SDK2: variants seen among roughly 807,000 people sequenced by gnomAD.
SDK2 encodes the protein protein sidekick-2.
In SDK2, 105 loss-of-function variants were observed where a neutral mutation model predicts 253.9. The ratio of observed to expected loss-of-function variants is 0.41; its 90% CI spans 0.35 to 0.49. The LOEUF (loss-of-function observed/expected upper bound fraction) is 0.49, where lower values mean the gene tolerates loss of function less well. Among genes scored for constraint, SDK2 ranks in the 20% least tolerant of loss-of-function variants. The probability of loss-of-function intolerance (pLI) is 0.06; values close to 1 mark genes in which losing one functional copy is unlikely to be tolerated. For missense variants in SDK2, 2,608 were observed against 3,003.0 expected (o/e 0.87, Z 3.07); for synonymous variants, 1,249 against 1,234.9 (o/e 1.01, Z -0.24).
In SDK2 at chr17:73,467,752, TC is replaced by T. The variant is rs1360874479; in HGVS notation, c.331+4359del. Among the ~76,000 whole-genome samples, 1 of 152,154 alleles carries T rather than the reference TC, an allele frequency of 6.6e-6. No individual in the cohort carries two copies. Among genetic ancestry groups the T allele is most frequent in the Non-Finnish European group, 1.5e-5 (1 of 68,018 alleles). Reference sequence around the variant, plus strand: ...AGGACTTCCTAGGGCTTTTCTAACTTCCTGGCTTTAGGGCCCAAAGGGCTGT... The same window carrying T: ...AGGACTTCCTAGGGCTTTTCTAACTTCTGGCTTTAGGGCCCAAAGGGCTGT... On this transcript the variant is annotated intron_variant, in intron 3 of 44. Transcript: ENST00000392650. This position sits in a 1 kb window ranked among gnomAD's most constrained non-coding sequence, Gnocchi z 4.1.
chr17:73,637,935 T>G (rs922074827), intron 1 of SDK2, among the ~76,000 whole-genome samples: 1 of 148,680 alleles, frequency 6.7e-6, no homozygotes, highest in Non-Finnish European at 1.5e-5. Flanking sequence ...CAGGAAGAGC[T>G]GGGAAAATGA....
At chr17:73,545,476 G>C (rs971033357) in intron 1 of SDK2, among the ~76,000 whole-genome samples, 2 of 152,194 alleles carry the variant, frequency 1.3e-5, no homozygotes, top group African/African-American at 4.8e-5. Flanking sequence ...GGGGTTGAGG[G>C]GAAATGTGCA....
chr17:73,380,708 C>A lies in SDK2; in HGVS notation c.4762+186G>T, dbSNP rs80165999. Among the ~76,000 whole-genome samples the A allele has an allele frequency of 9.1e-3, 1,385 of 152,330 alleles. 34 individuals carry two copies. Among genetic ancestry groups the A allele is most frequent in the East Asian group, 0.087 (450 of 5,182 alleles). The stretch of plus-strand genomic sequence containing the variant: ...AGAGGGCAGGCTTGAAGGAGACTTT[C>A]CCTGTCATCGGCCTACTTTTCCGTG... On this transcript the variant is annotated intron_variant, in intron 34 of 44. Coordinates refer to ENST00000392650, the MANE Select transcript of SDK2 (RefSeq NM_001144952.2).
chr17:73,470,684 A>G (rs2063643407), intron 3 of SDK2, among the ~76,000 whole-genome samples: 1 of 151,922 alleles, frequency 6.6e-6, no homozygotes, highest in African/African-American at 2.4e-5. Context: ...TATCATAAAC[A>G]CTCTTTGCCT....
intron 43 of SDK2, 31 bp from the exon 44 acceptor site, chr17:73,348,756 G>T: frequency 5.0e-6 from 8 of 1,589,018 alleles, no homozygotes; most frequent in Non-Finnish European, 6.8e-6. Context: ...GGGCCGAGAG[G>T]TGCACTCACT....
In SDK2 at chr17:73,534,305, T is replaced by G. The variant is rs906337856; in HGVS notation, c.65-26708A>C. Among the ~76,000 whole-genome samples the G allele has an allele frequency of 1.3e-5, 2 of 152,030 alleles. No individual in the cohort carries two copies. Among genetic ancestry groups the G allele is most frequent in the African/African-American group, 2.4e-5 (1 of 41,400 alleles). On this transcript the variant is annotated intron_variant, in intron 1 of 44. Transcript: ENST00000392650. The surrounding 1 kb of genome is among the most constrained non-coding windows in gnomAD (Gnocchi z 4.9). ...CGCTGCTGGGGGAAGGGGAGTGGCA[T>G]TAAATAGCTGGCGGCAGGGAGACAC...
intron 36 of SDK2, among the ~76,000 whole-genome samples, chr17:73,374,329 C>A (rs2062759521): frequency 7.3e-6 from 1 of 137,294 alleles, no homozygotes; most frequent in African/African-American, 2.8e-5. Flanking sequence ...CGTCTCAAAC[C>A]AAACACATCT....
chr17:73,424,959 C>A (rs1161823995), intron 12 of SDK2, among the ~76,000 whole-genome samples: 1 of 152,216 alleles, frequency 6.6e-6, no homozygotes, highest in Non-Finnish European at 1.5e-5. Context: ...ATGGCTCACA[C>A]CGGTAATCCC....
rs1198465285 is a variant in SDK2 at position 73,493,113 on chromosome 17, C to A, written c.224+14325G>T. On this transcript the variant is annotated intron_variant, in intron 2 of 44. Transcript: ENST00000392650. The stretch of plus-strand genomic sequence containing the variant: ...TTCCAGATAAAAAACATATGTGCCT[C>A]CGATGGAGCCCACCCTCCCCTCCCC... 2.0e-5 allele frequency among the ~76,000 whole-genome samples: 3 copies of A among 152,292 alleles called. No homozygotes were observed. In the East Asian group the frequency reaches 5.8e-4, roughly 29 times the overall value.
chr17:73,354,162 C>A (rs1382754927), intron 40 of SDK2, among the ~76,000 whole-genome samples: 2 of 152,164 alleles, frequency 1.3e-5, no homozygotes, highest in Admixed American at 1.3e-4. Flanking sequence ...ACATCTCAGC[C>A]TCTCAAAGTG....
At chr17:73,638,782 C>T (rs571280832) in intron 1 of SDK2, among the ~76,000 whole-genome samples, 39 of 148,720 alleles carry the variant, frequency 2.6e-4, no homozygotes, top group African/African-American at 8.2e-4. Context: ...TTATCCAAGA[C>T]AACTCTAAAA....
chr17:73,624,798 C>G (rs1050786780), intron 1 of SDK2, among the ~76,000 whole-genome samples: 1 of 152,088 alleles, frequency 6.6e-6, no homozygotes, highest in African/African-American at 2.4e-5. Context: ...GAAGATGCAA[C>G]TATAATAAGG....
rs1201092185 is a variant in SDK2, at chr17:73,395,865, C to T, written c.3355-473G>A. On this transcript the variant is annotated intron_variant, in intron 24 of 44. Transcript: ENST00000392650. This position sits in a 1 kb window ranked among gnomAD's most constrained non-coding sequence, Gnocchi z 4.3. ...TGGGGCACCTGCCAGTCAGGAAGTCCTTCTGTCCAGCAAACCTCAGCCTCT... is the reference window on the plus strand; with the variant it reads ...TGGGGCACCTGCCAGTCAGGAAGTCTTTCTGTCCAGCAAACCTCAGCCTCT... Among the ~76,000 whole-genome samples the T allele has an allele frequency of 1.3e-5, 2 of 152,164 alleles. No individual in the cohort carries two copies. Among genetic ancestry groups the T allele is most frequent in the African/African-American group, 4.8e-5 (2 of 41,458 alleles).
intron 1 of SDK2, among the ~76,000 whole-genome samples, chr17:73,602,980 C>T (rs1287683861): frequency 6.6e-6 from 1 of 152,170 alleles, no homozygotes; most frequent in Admixed American, 6.5e-5. Context: ...CCACCTCAGC[C>T]TCCCAAAGTG....
chr17:73,529,369 G>T (rs955376812), intron 1 of SDK2, among the ~76,000 whole-genome samples: 2 of 152,122 alleles, frequency 1.3e-5, no homozygotes, highest in African/African-American at 4.8e-5. Context: ...ATCTGAAATG[G>T]AGCTAGCACC....
At chr17:73,600,604 A>C (rs2045824452) in intron 1 of SDK2, among the ~76,000 whole-genome samples, 1 of 152,068 alleles carries the variant, frequency 6.6e-6, no homozygotes, top group African/African-American at 2.4e-5. Flanking sequence ...GTGTGGGGAG[A>C]GGCCGACAAG....
Position 73,455,522 on chromosome 17 carries a change from C to T in SDK2, c.479+384G>A, listed in dbSNP as rs972190580. ...ACGCGCCCAGGGCCTCCCGGCTGCC[C>T]AGGAGACGCCAGCCTCTCCAAGGTC... On this transcript the variant is annotated intron_variant, in intron 4 of 44. Coordinates refer to ENST00000392650, the MANE Select transcript of SDK2 (RefSeq NM_001144952.2). The surrounding 1 kb of genome is among the most constrained non-coding windows in gnomAD (Gnocchi z 5.0). 1.3e-5 allele frequency among the ~76,000 whole-genome samples: 2 copies of T among 152,216 alleles called. No homozygotes were observed. The highest frequency in any genetic ancestry group is 4.8e-5 in the African/African-American group (2 of 41,450).
rs530002288 is a variant in SDK2, at chr17:73,398,362, C to T, written c.3161G>A (p.Arg1054His). 3.5e-5 allele frequency: 57 copies of T among 1,613,944 alleles called. No homozygotes were observed. The highest frequency in any genetic ancestry group is 1.1e-4 in the African/African-American group (8 of 75,030). Reference sequence around the variant, plus strand: ...GTTGAGGTCGGGCACCTCCATGGAGCGGGCATCGGGCTCATTGGAGAGCTG... The same window carrying T: ...GTTGAGGTCGGGCACCTCCATGGAGTGGGCATCGGGCTCATTGGAGAGCTG... ...IHQLSNEPDA[R>H]SMEVPDLNPF... Residue 1054 changes from arginine (R) to histidine (H), a missense_variant, in exon 23 of 45, where the codon CGC (arginine) becomes CAC (histidine). Arg to His is a conservative substitution (Grantham distance 29). Transcript: ENST00000392650.
intron 10 of SDK2, among the ~76,000 whole-genome samples, chr17:73,432,862 G>A (rs1211330938): frequency 3.3e-5 from 5 of 150,156 alleles, no homozygotes; most frequent in South Asian, 2.1e-4. Context: ...GTGCACATGC[G>A]TGTGTGTGCA....
Sources: allele counts gnomAD v4.1 joint callset (sites outside exome capture counted in the v4.1 genomes callset), GRCh38; gene constraint gnomAD v4.1.1; non-coding constraint Gnocchi (gnomAD v3.1); transcripts MANE v1.5; gene names NCBI Gene and HGNC (gene_info 2026-07-23, HGNC 2026-07-21).